Variants in FSTL4 observed in about 807,000 individuals in gnomAD.
FSTL4 encodes follistatin like 4.
FSTL4 carries 28 observed loss-of-function variants against 78.2 expected under a neutral mutation model. That is an observed-to-expected ratio of 0.36 (90% CI 0.27 to 0.49). FSTL4 has a LOEUF of 0.49. FSTL4 is among the 20% of genes least tolerant of loss of function. The pLI, the probability that FSTL4 is intolerant of heterozygous loss-of-function variation, is 0.98. For missense variants in FSTL4, 922 were observed against 1,084.9 expected (o/e 0.85, Z 2.11); for synonymous variants, 422 against 440.5 (o/e 0.96, Z 0.53).
intron 6 of FSTL4, among the ~76,000 whole-genome samples, chr5:133,293,448 G>A (rs1381474922): frequency 6.6e-6 from 1 of 152,188 alleles, no homozygotes; most frequent in African/African-American, 2.4e-5. Context: ...TCTGTGGCCT[G>A]CATGTCTTTG....
At chr5:133,341,848 A>G (rs1754589315) in intron 4 of FSTL4, among the ~76,000 whole-genome samples, 1 of 152,216 alleles carries the variant, frequency 6.6e-6, no homozygotes, top group African/African-American at 2.4e-5. Context: ...CACTAACAGT[A>G]TCTTATTGAT....
intron 3 of FSTL4, among the ~76,000 whole-genome samples, chr5:133,405,644 G>A (rs764324765): frequency 9.2e-5 from 14 of 152,170 alleles, no homozygotes; most frequent in Non-Finnish European, 1.5e-4. Flanking sequence ...TGGACATAAC[G>A]GTCCCAGTAT....
chr5:133,706,939 A>T, the FSTL4 span, among the ~76,000 whole-genome samples: 3 of 152,316 alleles, frequency 2.0e-5, no homozygotes, highest in Non-Finnish European at 4.4e-5. Context: ...TCGGGAGGCC[A>T]CAGCCCACAC....
the FSTL4 span, among the ~76,000 whole-genome samples, chr5:133,803,775 T>G: frequency 6.6e-6 from 1 of 152,228 alleles, no homozygotes; most frequent in Non-Finnish European, 1.5e-5. Context: ...CCAAACTGTC[T>G]GTTGTCTACC....
chr5:133,274,396 T>TTTTTTTTTTTTTTTTG (rs1752832893), intron 6 of FSTL4, among the ~76,000 whole-genome samples: 1 of 149,706 alleles, frequency 6.7e-6, no homozygotes, highest in Admixed American at 6.7e-5. Context: ...TTTTTTTTTT[T>TTTTTTTTTTTTTTTTG]AGGAGAACAG....
At chr5:133,625,459 T>A in the FSTL4 span, among the ~76,000 whole-genome samples, 21 of 151,402 alleles carry the variant, frequency 1.4e-4, no homozygotes, top group African/African-American at 5.1e-4. Flanking sequence ...GTAATAATAG[T>A]CCTTGTTTAA....
the FSTL4 span, among the ~76,000 whole-genome samples, chr5:133,803,876 G>A: frequency 1.2e-4 from 19 of 152,126 alleles, no homozygotes; most frequent in African/African-American, 4.6e-4. Context: ...AATGAGAGGC[G>A]CTCATGTGAG....
intron 4 of FSTL4, among the ~76,000 whole-genome samples, chr5:133,397,822 T>C (rs1214208083): frequency 6.6e-6 from 1 of 152,252 alleles, no homozygotes; most frequent in Non-Finnish European, 1.5e-5. Flanking sequence ...CAACTTCTTC[T>C]TGTAAAGTCT....
intron 14 of FSTL4, among the ~76,000 whole-genome samples, chr5:133,204,648 A>ATC (rs1212972264): frequency 1.3e-5 from 2 of 152,022 alleles, no homozygotes; most frequent in African/African-American, 2.4e-5. Context: ...CCTGGCCAAC[A>ATC]TGGTGAAACC....
chr5:133,241,568 T>A (rs1211250363), intron 7 of FSTL4, among the ~76,000 whole-genome samples: 3 of 151,720 alleles, frequency 2.0e-5, no homozygotes, highest in Non-Finnish European at 4.4e-5. Flanking sequence ...GACTCCAGAG[T>A]GTTATGTAGT....
chr5:133,519,592 A>C (rs1156612289), intron 3 of FSTL4, among the ~76,000 whole-genome samples: 1 of 152,234 alleles, frequency 6.6e-6, no homozygotes, highest in Non-Finnish European at 1.5e-5. Context: ...CGAGAAGGGC[A>C]ATAGCAGTAA....
At chr5:133,567,070 C>T (rs557892425) in intron 3 of FSTL4, 116 bp downstream of exon 3, 35 of 785,000 alleles carry the variant, frequency 4.5e-5, no homozygotes, top group Middle Eastern at 2.3e-4. Flanking sequence ...CAGAAAAGGC[C>T]GCATGAAATT....
At chr5:133,391,328 T>C (rs1421049026) in intron 4 of FSTL4, among the ~76,000 whole-genome samples, 2 of 152,206 alleles carry the variant, frequency 1.3e-5, no homozygotes, top group Admixed American at 6.5e-5. Context: ...ATCTGGCTCC[T>C]GGTGATCATC....
intron 2 of FSTL4, among the ~76,000 whole-genome samples, chr5:133,577,483 C>T (rs570159903): frequency 6.6e-6 from 1 of 152,160 alleles, no homozygotes; most frequent in Non-Finnish European, 1.5e-5. Context: ...GGAGGCACAG[C>T]TGCCAACACT....
At chr5:133,201,381 G>A (rs574682895) in intron 15 of FSTL4, among the ~76,000 whole-genome samples, 6 of 152,314 alleles carry the variant, frequency 3.9e-5, no homozygotes, top group South Asian at 2.1e-4. Flanking sequence ...GCCTTGTCTC[G>A]TTGTGGGCTC....
At chr5:133,491,959 C>T (rs189725778) in intron 3 of FSTL4, among the ~76,000 whole-genome samples, 1 of 152,068 alleles carries the variant, frequency 6.6e-6, no homozygotes, top group Non-Finnish European at 1.5e-5. Context: ...CTTATGATGC[C>T]TTTACTTTGC....
At chr5:133,311,840 C>A (rs536473529) in intron 6 of FSTL4, among the ~76,000 whole-genome samples, 1 of 152,298 alleles carries the variant, frequency 6.6e-6, no homozygotes, top group South Asian at 2.1e-4. Context: ...AGAGCTTGAA[C>A]ATCTTCTAAT....
At chr5:133,363,404 T>TTATGGA (rs1455328567) in intron 4 of FSTL4, among the ~76,000 whole-genome samples, 2 of 152,032 alleles carry the variant, frequency 1.3e-5, no homozygotes, top group Non-Finnish European at 2.9e-5. Context: ...CCCCAGCAAC[T>TTATGGA]CTGGAAATTC....
the FSTL4 span, among the ~76,000 whole-genome samples, chr5:133,639,018 G>A: frequency 2.8e-4 from 43 of 151,898 alleles, no homozygotes; most frequent in Middle Eastern, 6.8e-3. Flanking sequence ...GAATGTGTAG[G>A]TTTGTTACAT....
Sources: gnomAD v4.1 joint callset for allele counts (sites outside exome capture counted in the v4.1 genomes callset) on GRCh38, gnomAD v4.1.1 for gene constraint, MANE v1.5 for transcripts, NCBI Gene and HGNC (gene_info 2026-07-23, HGNC 2026-07-21) for gene names.